ATXN2: variants seen among roughly 807,000 people sequenced by gnomAD.
The protein encoded by ATXN2 is ataxin-2.
ATXN2 carries 37 observed loss-of-function variants against 138.6 expected under a neutral mutation model. That is an observed-to-expected ratio of 0.27 (90% CI 0.21 to 0.35). ATXN2 has a LOEUF of 0.35. Among genes scored for constraint, ATXN2 ranks in the 10% least tolerant of loss-of-function variants. The pLI, the probability that ATXN2 is intolerant of heterozygous loss-of-function variation, is 1.00. For synonymous variants in ATXN2, 549 were observed against 543.7 expected (o/e 1.01, Z -0.13); for missense variants, 1,216 against 1,480.3 (o/e 0.82, Z 2.93).
chr12:111,555,866 A>C lies in ATXN2; in HGVS notation c.288+17T>G, dbSNP rs1357396304. ...AGCTACTAATTTTCCCCAATAAGTA[A>C]CATTAAAGTTACTCACCGTAGACTG... On this transcript the variant is annotated intron_variant, in intron 2 of 24. Transcript: ENST00000673436. 6.3e-7 allele frequency: 1 copy of C among 1,586,838 alleles called. No individual in the cohort carries two copies. The highest frequency in any genetic ancestry group is 1.4e-5 in the African/African-American group (1 of 73,396).
chr12:111,453,992 A>G lies in ATXN2; in HGVS notation c.3271-147T>C, dbSNP rs1462646961. The stretch of plus-strand genomic sequence containing the variant: ...GTTCTGTTCTCTGGGGACAATCTCT[A>G]GTAGATTATCTATTGACCTGAAGAC... On this transcript the variant is annotated intron_variant, in intron 23 of 24. Transcript: ENST00000673436. This position sits in a 1 kb window ranked among gnomAD's most constrained non-coding sequence, Gnocchi z 5.4. 1.3e-6 allele frequency: 1 copy of G among 757,972 alleles called. No homozygotes were observed. Among genetic ancestry groups the G allele is most frequent in the Admixed American group, 3.1e-5 (1 of 31,966 alleles). 47.0% of individuals were successfully genotyped at this position (757,972 alleles called of 1,614,324 possible).
chr12:111,593,482 C>T (rs1240394293), intron 1 of ATXN2, among the ~76,000 whole-genome samples: 4 of 151,878 alleles, frequency 2.6e-5, no homozygotes, highest in Non-Finnish European at 5.9e-5. Flanking sequence ...TAAACCATTG[C>T]TAATTAGAGT....
chr12:111,558,011 C>A (rs1392938726), intron 1 of ATXN2, among the ~76,000 whole-genome samples: 1 of 152,056 alleles, frequency 6.6e-6, no homozygotes, highest in East Asian at 1.9e-4. Flanking sequence ...TCACACTGTT[C>A]TTTTTAGTGA....
intron 10 of ATXN2, among the ~76,000 whole-genome samples, chr12:111,513,824 A>T (rs1432787402): frequency 1.3e-5 from 2 of 152,142 alleles, no homozygotes; most frequent in Non-Finnish European, 2.9e-5. Flanking sequence ...GAAATCAACA[A>T]TAAGATGTCA....
chr12:111,503,336 C>G (rs1162647370), intron 14 of ATXN2, among the ~76,000 whole-genome samples: 2 of 152,216 alleles, frequency 1.3e-5, no homozygotes, highest in African/African-American at 4.8e-5. Flanking sequence ...TACTTACTAG[C>G]CATGTGAGTT....
chr12:111,523,595 G>A (rs1006714822), intron 6 of ATXN2, among the ~76,000 whole-genome samples: 6 of 151,938 alleles, frequency 3.9e-5, no homozygotes, highest in Admixed American at 6.6e-5. Flanking sequence ...GTGTGGTGGC[G>A]CACGCCTATA....
chr12:111,586,955 TAA>T (rs1219828569), intron 1 of ATXN2, among the ~76,000 whole-genome samples: 3 of 149,888 alleles, frequency 2.0e-5, no homozygotes, highest in Non-Finnish European at 4.4e-5. Context: ...ATGTGTAAAG[TAA>T]AAGTTCTCAA....
chr12:111,562,347 A>C (rs747778406), intron 1 of ATXN2, among the ~76,000 whole-genome samples: 1 of 152,078 alleles, frequency 6.6e-6, no homozygotes, highest in Non-Finnish European at 1.5e-5. Context: ...ACTTGAGCCC[A>C]GGAGTTTGAG....
At chr12:111,551,517 C>T (rs990053384) in intron 5 of ATXN2, among the ~76,000 whole-genome samples, 2 of 152,058 alleles carry the variant, frequency 1.3e-5, no homozygotes, top group African/African-American at 2.4e-5. Context: ...TTTTAAAATA[C>T]GTATGTTCTA....
In ATXN2 at chr12:111,510,434, A is replaced by G; in HGVS notation, c.1707T>C (p.Pro569=). ...AVAMPIPAAS[P]TPASPASNRA... The stretch of plus-strand genomic sequence containing the variant: ...TGTTCGATGCAGGACTAGCAGGCGT[A>G]GGAGATGCAGCTGGAATAGGCATGG... Residue 569 remains proline (P), a synonymous_variant, in exon 12 of 25, where the codon CCT becomes CCC. Coordinates refer to ENST00000673436, the MANE Select transcript of ATXN2 (RefSeq NM_001372574.1). 1.2e-6 allele frequency: 2 copies of G among 1,614,170 alleles called. No homozygotes were observed. The highest frequency in any genetic ancestry group is 1.3e-5 in the African/African-American group (1 of 75,046).
chr12:111,458,166 G>GCCC (rs1875270435), intron 21 of ATXN2: 1 of 150,230 alleles, frequency 6.7e-6, no homozygotes, highest in African/African-American at 2.5e-5. Context: ...GTTTTTTTTT[G>GCCC]AGATATAAGT....
upstream of ATXN2, chr12:111,599,542 G>T: frequency 8.3e-7 from 1 of 1,198,966 alleles, no homozygotes; most frequent in Non-Finnish European, 1.0e-6. Flanking sequence ...GAGGCGCCGG[G>T]TGGGAGCGGA....
At chr12:111,542,204 T>C (rs188532691) in intron 5 of ATXN2, among the ~76,000 whole-genome samples, 2 of 141,360 alleles carry the variant, frequency 1.4e-5, no homozygotes, top group Non-Finnish European at 3.3e-5. Context: ...TGTGTCTTCA[T>C]AAATCTTCAA....
chr12:111,583,517 G>A (rs548585447), intron 1 of ATXN2, among the ~76,000 whole-genome samples: 1 of 152,104 alleles, frequency 6.6e-6, no homozygotes, highest in Admixed American at 6.6e-5. Flanking sequence ...TGTAATCCCA[G>A]CACGTTGGGA....
Position 111,598,976 on chromosome 12 carries a change from TGTTGCTGCTGCTGCTGC to T in ATXN2, c.42_58del (p.Gln15AlafsTer69), listed in dbSNP as rs759304594. ...CTGCTGCTGCTGCTGCTGCTGCTGC[TGTTGCTGCTGCTGCTGC>T]TGCTGCTGCTGCTGCTGCTGCTGCT... On this transcript the variant is annotated frameshift_variant, in exon 1 of 25. Coordinates refer to ENST00000673436, the MANE Select transcript of ATXN2 (RefSeq NM_001372574.1). LOFTEE classifies it high-confidence loss of function. This position sits in a 1 kb window ranked among gnomAD's most constrained non-coding sequence, Gnocchi z 4.5. 3,609 of 1,429,448 alleles carry T rather than the reference TGTTGCTGCTGCTGCTGC, an allele frequency of 2.5e-3. 7 individuals carry two copies. Among genetic ancestry groups the T allele is most frequent in the East Asian group, 6.0e-3 (215 of 35,714 alleles). The allele number at this position is 1,429,448 out of a possible 1,614,324, so 88.5% of individuals were successfully genotyped here.
Position 111,541,545 on chromosome 12 carries a change from T to C in ATXN2, c.571+10735A>G, listed in dbSNP as rs1362094789. On this transcript the variant is annotated intron_variant, in intron 5 of 24. Transcript: ENST00000673436. ...TTTGTATTTTTAGTAGAGACGGGGT[T>C]TCTCCATGTTGGTCAGGCTGGTCAT... 1.4e-5 allele frequency among the ~76,000 whole-genome samples: 2 copies of C among 147,958 alleles called. 1 individual carries two copies. Among genetic ancestry groups the C allele is most frequent in the Non-Finnish European group, 3.0e-5 (2 of 66,150 alleles).
chr12:111,551,827 T>C (rs2135785245), intron 5 of ATXN2, among the ~76,000 whole-genome samples: 1 of 152,296 alleles, frequency 6.6e-6, no homozygotes, highest in Middle Eastern at 3.4e-3. Context: ...AACATTCTCA[T>C]TTTTCTAAAA....
intron 14 of ATXN2, among the ~76,000 whole-genome samples, chr12:111,497,667 T>C (rs534859884): frequency 7.1e-4 from 108 of 151,462 alleles, no homozygotes; most frequent in African/African-American, 2.2e-3. Flanking sequence ...TATAAATATA[T>C]ATCACATGAT....
Position 111,598,385 on chromosome 12 carries a change from G to A in ATXN2, c.251+399C>T. The A allele has an allele frequency of 1.0e-6, 1 of 986,208 alleles. No individual in the cohort carries two copies. The highest frequency in any genetic ancestry group is 1.2e-6 in the Non-Finnish European group (1 of 830,502). 61.1% of individuals were successfully genotyped at this position (986,208 alleles called of 1,614,324 possible). A position where few individuals can be genotyped will look rare whatever the true frequency, so the allele number is the denominator to read the frequency against. On this transcript the variant is annotated intron_variant, in intron 1 of 24. Coordinates refer to ENST00000673436, the MANE Select transcript of ATXN2 (RefSeq NM_001372574.1). The surrounding 1 kb of genome is among the most constrained non-coding windows in gnomAD (Gnocchi z 4.5). The stretch of plus-strand genomic sequence containing the variant: ...ACCACAGCCTCCAGACCCCTCCAAC[G>A]TTCACACCTAAACCGGGAGTGGAGG...
Sources: gnomAD v4.1 joint callset for allele counts (sites outside exome capture counted in the v4.1 genomes callset) on GRCh38, gnomAD v4.1.1 for gene constraint, Gnocchi (gnomAD v3.1) non-coding constraint, MANE v1.5 for transcripts, NCBI Gene and HGNC (gene_info 2026-07-23, HGNC 2026-07-21) for gene names.